TTLL5: variants seen among roughly 807,000 people sequenced by gnomAD.
TTLL5 encodes tubulin polyglutamylase TTLL5.
In TTLL5, 132 loss-of-function variants were observed where a neutral mutation model predicts 168.4. The ratio of observed to expected loss-of-function variants is 0.78; its 90% CI spans 0.68 to 0.91. TTLL5 has a LOEUF of 0.91. Among genes scored for constraint, TTLL5 ranks in the 40% least tolerant of loss-of-function variants. The probability of loss-of-function intolerance (pLI) is 0.00; values close to 1 mark genes in which losing one functional copy is unlikely to be tolerated. For missense variants in TTLL5, 1,545 were observed against 1,581.5 expected (o/e 0.98, Z 0.39); for synonymous variants, 546 against 558.6 (o/e 0.98, Z 0.32).
chr14:75,881,617 A>G (rs1489716781), intron 29 of TTLL5, among the ~76,000 whole-genome samples: 1 of 152,234 alleles, frequency 6.6e-6, no homozygotes, highest in Non-Finnish European at 1.5e-5. Flanking sequence ...TCCTAAGAGC[A>G]TCTCATATTA....
chr14:75,785,249 C>T (rs374811052), intron 26 of TTLL5, among the ~76,000 whole-genome samples: 14 of 145,436 alleles, frequency 9.6e-5, no homozygotes, highest in African/African-American at 3.6e-4. Context: ...GGCACGATCT[C>T]GGCCCACTGC....
At chr14:75,839,543 C>G (rs977441580) in intron 28 of TTLL5, among the ~76,000 whole-genome samples, 5 of 152,184 alleles carry the variant, frequency 3.3e-5, no homozygotes, top group Admixed American at 1.3e-4. Flanking sequence ...GGCACCTCTT[C>G]ACAGGGCGGC....
intron 18 of TTLL5, among the ~76,000 whole-genome samples, chr14:75,756,628 C>T (rs1177580360): frequency 6.6e-6 from 1 of 151,936 alleles, no homozygotes; most frequent in Non-Finnish European, 1.5e-5. Flanking sequence ...CTGCCTCAGC[C>T]TCCCGAGCAG....
intron 5 of TTLL5, among the ~76,000 whole-genome samples, chr14:75,688,645 C>T (rs1162653556): frequency 6.6e-6 from 1 of 152,052 alleles, no homozygotes; most frequent in Admixed American, 6.6e-5. Flanking sequence ...TGGGACTGAG[C>T]CTTCAACTTA....
intron 28 of TTLL5, among the ~76,000 whole-genome samples, chr14:75,862,789 T>C (rs557436645): frequency 1.3e-5 from 2 of 151,984 alleles, no homozygotes; most frequent in African/African-American, 4.8e-5. Flanking sequence ...AAAAAAAATA[T>C]ATAAAAATTA....
At chr14:75,686,948 A>G (rs757141793) in intron 5 of TTLL5, among the ~76,000 whole-genome samples, 8 of 151,988 alleles carry the variant, frequency 5.3e-5, no homozygotes, top group Non-Finnish European at 1.2e-4. Context: ...AATAGCACAG[A>G]CTCTGTTGAA....
At chr14:75,940,457 A>T (rs2034566382) in intron 31 of TTLL5, among the ~76,000 whole-genome samples, 1 of 152,216 alleles carries the variant, frequency 6.6e-6, no homozygotes, top group Non-Finnish European at 1.5e-5. Flanking sequence ...CATTTATTTT[A>T]TAAATCTAGG....
chr14:75,740,934 C>G (rs1053880929), intron 15 of TTLL5, among the ~76,000 whole-genome samples: 1 of 151,940 alleles, frequency 6.6e-6, no homozygotes, highest in Non-Finnish European at 1.5e-5. Flanking sequence ...TTGTTTTTGC[C>G]CCTCAATTAT....
At chr14:75,894,181 G>C (rs190187089) in intron 30 of TTLL5, among the ~76,000 whole-genome samples, 28 of 152,238 alleles carry the variant, frequency 1.8e-4, no homozygotes, top group Non-Finnish European at 3.7e-4. Flanking sequence ...TAAGATGCAG[G>C]CTGTAGTGTT....
Position 75,781,487 on chromosome 14 carries a change from T to C in TTLL5, c.2516-1000T>C, listed in dbSNP as rs1892046647. Among the ~76,000 whole-genome samples, 4 of 152,380 alleles carry C rather than the reference T, an allele frequency of 2.6e-5. No homozygotes were observed. In the South Asian group the frequency reaches 8.3e-4, roughly 32 times the overall value. On this transcript the variant is annotated intron_variant, in intron 24 of 31. Transcript: ENST00000298832. ...AAGATGATCTATAAAATGGCCTTTC[T>C]TAAGTTTTTGTATGATTCTAGCCCT...
At chr14:75,931,564 C>T (rs1208623831) in intron 31 of TTLL5, among the ~76,000 whole-genome samples, 1 of 152,114 alleles carries the variant, frequency 6.6e-6, no homozygotes, top group African/African-American at 2.4e-5. Context: ...CTGCCTTTAT[C>T]CTCCACACTG....
rs779933886 is a variant in TTLL5 at position 75,745,208 on chromosome 14, G to A, written c.1395G>A (p.Glu465=). 1 of 1,613,700 alleles carries A rather than the reference G, an allele frequency of 6.2e-7. No homozygotes were observed. The highest frequency in any genetic ancestry group is 8.5e-7 in the Non-Finnish European group (1 of 1,179,808). The change falls in exon 16 of 32, where the codon GAG becomes GAA. Residue 465 remains glutamate (E), a splice_region_variant and synonymous_variant. Coordinates refer to ENST00000298832, the MANE Select transcript of TTLL5 (RefSeq NM_015072.5). ...GGSVLGLSME[E]IKVLRRVKEE... ...CTGTGCTTGGTCTGTCAATGGAGGA[G>A]GTAAAGATAAGTTCATTTTAGGCTT...
intron 19 of TTLL5, among the ~76,000 whole-genome samples, chr14:75,765,237 T>G (rs1890893736): frequency 6.6e-6 from 1 of 152,202 alleles, no homozygotes; most frequent in South Asian, 2.1e-4. Flanking sequence ...CCTTTTTTTC[T>G]CTCCTTCCCT....
rs1433906301 is a variant in TTLL5 at position 75,673,559 on chromosome 14, TA to T, written c.181+4041del. On this transcript the variant is annotated intron_variant, in intron 3 of 31. Coordinates refer to ENST00000298832, the MANE Select transcript of TTLL5 (RefSeq NM_015072.5). ...CTCTTTTAACCGGTTTCATTATTAG[TA>T]AAATCTTAACCAGTTTCATTATTAG... Among the ~76,000 whole-genome samples the T allele has an allele frequency of 3.9e-5, 6 of 152,342 alleles. No individual in the cohort carries two copies. The East Asian group carries it at 1.2e-3, about 29-fold the overall frequency.
At chr14:75,665,821 C>T (rs1302535624) in intron 2 of TTLL5, among the ~76,000 whole-genome samples, 1 of 152,170 alleles carries the variant, frequency 6.6e-6, no homozygotes, top group African/African-American at 2.4e-5. Flanking sequence ...CACTGTGCTC[C>T]AGCCTGGGAG....
chr14:75,817,131 C>T (rs1437323020), intron 27 of TTLL5, among the ~76,000 whole-genome samples: 1 of 151,896 alleles, frequency 6.6e-6, no homozygotes, highest in African/African-American at 2.4e-5. Flanking sequence ...AGGCTCACAC[C>T]ACCACGCCCA....
At chr14:75,787,749 A>G (rs886912813) in intron 26 of TTLL5, among the ~76,000 whole-genome samples, 1 of 152,234 alleles carries the variant, frequency 6.6e-6, no homozygotes, top group African/African-American at 2.4e-5. Context: ...ACCCTACATC[A>G]TAAACAAGAG....
intron 3 of TTLL5, among the ~76,000 whole-genome samples, chr14:75,676,552 A>G (rs1884169653): frequency 6.6e-6 from 1 of 152,144 alleles, no homozygotes; most frequent in African/African-American, 2.4e-5. Flanking sequence ...TGATGTTTGC[A>G]TTCTGTCATT....
chr14:75,730,354 A>G (rs1243432529), intron 12 of TTLL5, among the ~76,000 whole-genome samples: 4 of 152,234 alleles, frequency 2.6e-5, no homozygotes, highest in Non-Finnish European at 5.9e-5. Flanking sequence ...CTATGAATTC[A>G]TTGCGAAAAG....
Sources: allele counts gnomAD v4.1 joint callset (sites outside exome capture counted in the v4.1 genomes callset), GRCh38; gene constraint gnomAD v4.1.1; transcripts MANE v1.5; gene names NCBI Gene and HGNC (gene_info 2026-07-23, HGNC 2026-07-21).